Variants in ARRB1 observed in about 807,000 individuals in gnomAD.
The protein encoded by ARRB1 is arrestin beta 1.
In ARRB1, 21 loss-of-function variants were observed where a neutral mutation model predicts 56.8. That is an observed-to-expected ratio of 0.37 (90% CI 0.26 to 0.53). The LOEUF is 0.53. Ranked by LOEUF, ARRB1 falls within the 20% of genes least tolerant of loss-of-function variation. The pLI, the probability that ARRB1 is intolerant of heterozygous loss-of-function variation, is 0.88. For missense variants in ARRB1, 424 were observed against 553.7 expected (o/e 0.77, Z 2.35); for synonymous variants, 210 against 218.6 (o/e 0.96, Z 0.35).
chr11:75,266,077 A>T lies in ARRB1; in HGVS notation c.*86T>A, dbSNP rs1945899682. ...GTAGAAACTGGAAGAACAAAGGGGA[A>T]AAGAAACCAGAACAGGAAGAAGACG... is the stretch of plus-strand genomic sequence containing the variant. On this transcript the variant is annotated 3_prime_UTR_variant, in exon 16 of 16. Transcript: ENST00000420843. 1 of 1,231,790 alleles carries T rather than the reference A, an allele frequency of 8.1e-7. No individual in the cohort carries two copies. Among genetic ancestry groups the T allele is most frequent in the East Asian group, 2.3e-5 (1 of 42,666 alleles). The allele number at this position is 1,231,790 out of a possible 1,614,324, so 76.3% of individuals were successfully genotyped here.
At chr11:75,299,930 G>GGC (rs1279759270) in intron 1 of ARRB1, among the ~76,000 whole-genome samples, 3 of 152,206 alleles carry the variant, frequency 2.0e-5, no homozygotes, top group Non-Finnish European at 4.4e-5. Context: ...TGGTAGGACA[G>GGC]GCGCAGTGGC....
intron 1 of ARRB1, among the ~76,000 whole-genome samples, chr11:75,302,950 T>G (rs965018523): frequency 6.6e-6 from 1 of 151,976 alleles, no homozygotes; most frequent in Non-Finnish European, 1.5e-5. Flanking sequence ...CCCTACAGTC[T>G]TGGGTAGAAA....
intron 3 of ARRB1, among the ~76,000 whole-genome samples, chr11:75,285,294 G>A (rs1184560367): frequency 5.9e-5 from 9 of 152,338 alleles, no homozygotes; most frequent in East Asian, 1.9e-4. Flanking sequence ...TGTGGAAGGC[G>A]CCTCAGTGCC....
At chr11:75,290,871 C>CT (rs956256508) in intron 1 of ARRB1, among the ~76,000 whole-genome samples, 5 of 152,198 alleles carry the variant, frequency 3.3e-5, no homozygotes, top group African/African-American at 1.2e-4. Context: ...TCCCAAAGTG[C>CT]TGAGATTACA....
At chr11:75,282,129 G>GGACA (rs1351837001) in intron 5 of ARRB1, 108 bp from the exon 6 acceptor site, 6 of 1,164,120 alleles carry the variant, frequency 5.2e-6, no homozygotes, top group Non-Finnish European at 7.5e-6. Flanking sequence ...GGGCCCCAGG[G>GGACA]GACAGGCCAT....
At chr11:75,317,955 A>G (rs1947289234) in intron 1 of ARRB1, among the ~76,000 whole-genome samples, 1 of 151,940 alleles carries the variant, frequency 6.6e-6, no homozygotes, top group Non-Finnish European at 1.5e-5. Flanking sequence ...AGATGTCAAG[A>G]CAAAGTCCTG....
At chr11:75,303,640 G>C in intron 1 of ARRB1, 1 of 456,256 alleles carries the variant, frequency 2.2e-6, no homozygotes, top group Non-Finnish European at 4.4e-6. Flanking sequence ...TGTTTCCCCA[G>C]AGCACCTACA....
intron 1 of ARRB1, among the ~76,000 whole-genome samples, chr11:75,303,246 C>T (rs1946946851): frequency 6.6e-6 from 1 of 152,146 alleles, no homozygotes; most frequent in Non-Finnish European, 1.5e-5. Context: ...AAGTGATCCG[C>T]CCATCTCAGC....
intron 1 of ARRB1, among the ~76,000 whole-genome samples, chr11:75,330,466 A>C (rs980814525): frequency 1.3e-5 from 2 of 152,122 alleles, no homozygotes; most frequent in African/African-American, 4.8e-5. Flanking sequence ...CTATATGTAA[A>C]TGTTTATGCC....
chr11:75,291,178 A>C (rs1025192131), intron 1 of ARRB1, among the ~76,000 whole-genome samples: 3 of 152,096 alleles, frequency 2.0e-5, no homozygotes, highest in Admixed American at 6.6e-5. Flanking sequence ...CTCTACTAAA[A>C]ATGCAAAAAT....
intron 1 of ARRB1, 56 bp downstream of exon 1, chr11:75,351,532 G>T: frequency 6.7e-7 from 1 of 1,497,794 alleles, no homozygotes; most frequent in South Asian, 1.2e-5. Context: ...CCCCGCCCGT[G>T]TCCTCGCCGA....
At chr11:75,273,972 G>C (rs1946134448) in intron 11 of ARRB1, 102 bp downstream of exon 11, 1 of 1,546,416 alleles carries the variant, frequency 6.5e-7, no homozygotes, top group Non-Finnish European at 8.8e-7. Context: ...GCTATGGAGA[G>C]GGTAGCCTGA....
At chr11:75,333,833 A>C (rs1947557920) in intron 1 of ARRB1, among the ~76,000 whole-genome samples, 1 of 152,186 alleles carries the variant, frequency 6.6e-6, no homozygotes, top group South Asian at 2.1e-4. Flanking sequence ...AGAAGGCAAG[A>C]CATTGCTGCC....
intron 13 of ARRB1, 66 bp downstream of exon 13, chr11:75,271,635 A>G (rs1946075348): frequency 1.3e-6 from 2 of 1,494,526 alleles, no homozygotes; most frequent in Non-Finnish European, 1.8e-6. Flanking sequence ...GATTCTGGTC[A>G]GTCAAGCCAA....
At chr11:75,295,441 A>C (rs1193522642) in intron 1 of ARRB1, among the ~76,000 whole-genome samples, 1 of 151,924 alleles carries the variant, frequency 6.6e-6, no homozygotes, top group East Asian at 1.9e-4. Context: ...TCTATCTTCA[A>C]AGGCAGCAAG....
At chr11:75,268,163 A>G (rs1377305647) in intron 14 of ARRB1, among the ~76,000 whole-genome samples, 1 of 152,118 alleles carries the variant, frequency 6.6e-6, no homozygotes, top group African/African-American at 2.4e-5. Flanking sequence ...GTCTCTCTCC[A>G]CTGAAAGTCT....
chr11:75,306,317 C>T (rs1947027191), intron 1 of ARRB1, among the ~76,000 whole-genome samples: 1 of 152,140 alleles, frequency 6.6e-6, no homozygotes, highest in Non-Finnish European at 1.5e-5. Context: ...GACCCCCACC[C>T]ATCAGCCTTC....
At chr11:75,314,737 G>A (rs1032611545) in intron 1 of ARRB1, among the ~76,000 whole-genome samples, 2 of 152,132 alleles carry the variant, frequency 1.3e-5, no homozygotes, top group African/African-American at 2.4e-5. Context: ...AAGTATCTGG[G>A]ACTACAGGCA....
intron 1 of ARRB1, among the ~76,000 whole-genome samples, chr11:75,304,020 C>T (rs1369363184): frequency 2.0e-5 from 3 of 152,138 alleles, no homozygotes; most frequent in South Asian, 2.1e-4. Context: ...GGCCAAGAAG[C>T]GGCAGCCTTG....
Sources: allele counts gnomAD v4.1 joint callset (sites outside exome capture counted in the v4.1 genomes callset), GRCh38; gene constraint gnomAD v4.1.1; transcripts MANE v1.5; gene names NCBI Gene and HGNC (gene_info 2026-07-23, HGNC 2026-07-21).